The following FABP7 variants were observed in gnomAD, a reference collection of about 807,000 sequenced individuals.
The protein encoded by FABP7 is fatty acid-binding protein, brain.
In FABP7, 13 loss-of-function variants were observed where a neutral mutation model predicts 14.2. The ratio of observed to expected loss-of-function variants is 0.91; its 90% CI spans 0.59 to 1.45. FABP7 has a LOEUF of 1.45. FABP7 is among the 40% of genes most tolerant of loss of function. The probability of loss-of-function intolerance (pLI) is 0.00; values close to 1 mark genes in which losing one functional copy is unlikely to be tolerated. For synonymous variants in FABP7, 49 were observed against 51.4 expected, an observed-to-expected ratio of 0.95 and a Z score of 0.20; for missense variants, 149 against 157.6, an observed-to-expected ratio of 0.95 and a Z score of 0.29.
At chr6:122,773,922 C>G in the FABP7 span, among the ~76,000 whole-genome samples, 1 of 151,850 alleles carries the variant, frequency 6.6e-6, no homozygotes, top group Non-Finnish European at 1.5e-5. Flanking sequence ...ATAATGAATT[C>G]TTTACCATTA....
chr6:122,778,456 C>T (rs1007427654), upstream of FABP7, among the ~76,000 whole-genome samples: 4 of 152,142 alleles, frequency 2.6e-5, no homozygotes, highest in African/African-American at 9.7e-5. Flanking sequence ...TGAGCCTTCT[C>T]TGTTGGATCT....
intron 3 of FABP7, 42 bp downstream of exon 3, chr6:122,781,236 C>T (rs956692945): frequency 7.5e-6 from 12 of 1,602,396 alleles, no homozygotes; most frequent in South Asian, 2.2e-5. Flanking sequence ...TTTTTTTCTC[C>T]TCTCCGCACA....
chr6:122,768,602 G>A, the FABP7 span, among the ~76,000 whole-genome samples: 1 of 152,128 alleles, frequency 6.6e-6, no homozygotes, highest in Non-Finnish European at 1.5e-5. Flanking sequence ...GTTTCGAAAG[G>A]AGGATTCACA....
At chr6:122,768,407 C>T in the FABP7 span, among the ~76,000 whole-genome samples, 1 of 152,044 alleles carries the variant, frequency 6.6e-6, no homozygotes, top group Non-Finnish European at 1.5e-5. Flanking sequence ...TAGCATATTA[C>T]ATAACAATGT....
rs1210942019 is a variant in FABP7, at chr6:122,782,330, C to T, written c.348+1136C>T. 27 of 566,622 alleles carry T rather than the reference C, an allele frequency of 4.8e-5. No individual in the cohort carries two copies. In the Middle Eastern group the frequency reaches 2.7e-3, roughly 56 times the overall value. The allele number at this position is 566,622 out of a possible 1,614,324, so 35.1% of individuals were successfully genotyped here. A position where few individuals can be genotyped will look rare whatever the true frequency, so the allele number is the denominator to read the frequency against. ...GAGATCAAGGCGACCCTAGTGTTGCCATCCTTCTGCGGGCCCCCTCCCTTG... is the reference window on the plus strand; with the variant it reads ...GAGATCAAGGCGACCCTAGTGTTGCTATCCTTCTGCGGGCCCCCTCCCTTG... On this transcript the variant is annotated intron_variant, in intron 3 of 3. Transcript: ENST00000368444.
the FABP7 span, among the ~76,000 whole-genome samples, chr6:122,774,490 A>C: frequency 6.6e-6 from 1 of 152,092 alleles, no homozygotes; most frequent in Non-Finnish European, 1.5e-5. Flanking sequence ...TCTTCTATTA[A>C]ATTCTTCAAT....
At chr6:122,779,485 A>C (rs1780726260), upstream of FABP7, 3 of 332,324 alleles carry the variant, frequency 9.0e-6, no homozygotes, top group African/African-American at 6.1e-5. Flanking sequence ...TTTCTCAGGC[A>C]TAAGGGCTGT....
chr6:122,769,058 A>C, the FABP7 span, among the ~76,000 whole-genome samples: 1 of 152,170 alleles, frequency 6.6e-6, no homozygotes, highest in African/African-American at 2.4e-5. Flanking sequence ...AATGACATAG[A>C]GTTCCACATC....
the FABP7 span, among the ~76,000 whole-genome samples, chr6:122,753,797 C>CCCCG: frequency 9.4e-5 from 10 of 106,026 alleles, no homozygotes; most frequent in African/African-American, 2.2e-4. Flanking sequence ...CCCCCCCCGC[C>CCCCG]CACAGAAGTT....
Position 122,779,734 on chromosome 6 carries a change from T to C in FABP7, c.-61T>C. ...CTGAGGTGTAAAGGGTCTTCTGAGCTGCAGTGGCAATTAGACCAGAAGATC... is the reference window on the plus strand; with the variant it reads ...CTGAGGTGTAAAGGGTCTTCTGAGCCGCAGTGGCAATTAGACCAGAAGATC... On this transcript the variant is annotated 5_prime_UTR_variant, in exon 1 of 4. Transcript: ENST00000368444. The C allele has an allele frequency of 2.0e-6, 3 of 1,525,794 alleles. No homozygotes were observed. The highest frequency in any genetic ancestry group is 1.8e-6 in the Non-Finnish European group (2 of 1,102,342). The allele number at this position is 1,525,794 out of a possible 1,614,324, so 94.5% of individuals were successfully genotyped here. A position where few individuals can be genotyped will look rare whatever the true frequency, so the allele number is the denominator to read the frequency against.
chr6:122,768,059 C>T, the FABP7 span, among the ~76,000 whole-genome samples: 6 of 152,008 alleles, frequency 3.9e-5, no homozygotes, highest in African/African-American at 4.8e-5. Flanking sequence ...GGCAAATGGG[C>T]AGGAGAACAG....
At chr6:122,766,133 A>G in the FABP7 span, among the ~76,000 whole-genome samples, 1 of 152,128 alleles carries the variant, frequency 6.6e-6, no homozygotes, top group African/African-American at 2.4e-5. Flanking sequence ...TTAGAGGATC[A>G]GCTACCAGTT....
chr6:122,776,414 T>C (rs1229613040), upstream of FABP7, among the ~76,000 whole-genome samples: 1 of 152,004 alleles, frequency 6.6e-6, no homozygotes, highest in African/African-American at 2.4e-5. Context: ...AAATAAGCCA[T>C]GCAGAGAAAG....
upstream of FABP7, chr6:122,779,573 C>A (rs994009999): frequency 8.7e-6 from 5 of 575,450 alleles, no homozygotes; most frequent in African/African-American, 9.4e-5. Flanking sequence ...ATTGGAGCCT[C>A]ACTCGAGCGC....
intron 3 of FABP7, chr6:122,783,168 G>C (rs1220737152): frequency 2.0e-6 from 2 of 985,298 alleles, no homozygotes; most frequent in African/African-American, 1.7e-5. Context: ...TAGAGCTGAT[G>C]TTCCGCATCC....
the FABP7 span, among the ~76,000 whole-genome samples, chr6:122,773,372 A>T: frequency 6.6e-6 from 1 of 152,188 alleles, no homozygotes; most frequent in African/African-American, 2.4e-5. Flanking sequence ...TCTTTTAGTG[A>T]GGTGCCCACT....
the FABP7 span, among the ~76,000 whole-genome samples, chr6:122,770,992 A>G: frequency 6.6e-6 from 1 of 152,154 alleles, no homozygotes. Context: ...TAGATTTCAA[A>G]ATGTAAGTAA....
chr6:122,783,004 AG>A (rs750663640), intron 3 of FABP7: 54 of 985,336 alleles, frequency 5.5e-5, no homozygotes, highest in Admixed American at 6.1e-5. Flanking sequence ...GGCAAGATTG[AG>A]TTCAAAAAGG....
the FABP7 span, among the ~76,000 whole-genome samples, chr6:122,763,457 A>G: frequency 6.6e-6 from 1 of 152,214 alleles, no homozygotes; most frequent in African/African-American, 2.4e-5. Context: ...CCTAGGCAAC[A>G]CCATTCAGGA....
Sources: gnomAD v4.1 joint callset for allele counts (sites outside exome capture counted in the v4.1 genomes callset) on GRCh38, gnomAD v4.1.1 for gene constraint, MANE v1.5 for transcripts, NCBI Gene and HGNC (gene_info 2026-07-23, HGNC 2026-07-21) for gene names.